The following PDE4B variants were observed in gnomAD, a reference collection of about 807,000 sequenced individuals.
PDE4B encodes phosphodiesterase 4B, also known as 3',5'-cyclic-AMP phosphodiesterase 4B.
A neutral mutation model predicts 82.2 loss-of-function variants in PDE4B; 20 were observed. The observed-to-expected ratio is 0.24, with a 90% CI of 0.17 to 0.35. The LOEUF (loss-of-function observed/expected upper bound fraction) is 0.35. Among genes scored for constraint, PDE4B ranks in the 10% least tolerant of loss-of-function variants. The pLI is 1.00. For missense variants in PDE4B, 655 were observed against 907.2 expected, an observed-to-expected ratio of 0.72 and a Z score of 3.57; for synonymous variants, 320 against 318.9, an observed-to-expected ratio of 1.00 and a Z score of -0.04.
intron 3 of PDE4B, among the ~76,000 whole-genome samples, chr1:66,068,660 C>G (rs1655994792): frequency 2.0e-5 from 3 of 151,996 alleles, no homozygotes; most frequent in Admixed American, 6.6e-5. Context: ...AAATTCTTCT[C>G]ATTTAAATAT....
At chr1:66,104,720 G>A (rs1645305048) in intron 3 of PDE4B, among the ~76,000 whole-genome samples, 1 of 148,496 alleles carries the variant, frequency 6.7e-6, no homozygotes, top group South Asian at 2.2e-4. Context: ...TGTGTTTTTT[G>A]GCTGCATAAA....
Position 65,905,933 on chromosome 1 carries a change from C to T in PDE4B, c.-70-7312C>T, listed in dbSNP as rs189205995. ...TGTATATTCGTCTTTGTATTATCCA[C>T]GGCATCTAGCAAGTCCCTACCACAT... On this transcript the variant is annotated intron_variant, in intron 1 of 16. Coordinates refer to ENST00000341517, the MANE Select transcript of PDE4B (RefSeq NM_002600.4). 2.8e-3 allele frequency among the ~76,000 whole-genome samples: 433 copies of T among 152,194 alleles called. 2 individuals carry two copies. Among genetic ancestry groups the T allele is most frequent in the African/African-American group, 9.8e-3 (405 of 41,536 alleles).
At chr1:66,067,231 A>G (rs989377718) in intron 3 of PDE4B, among the ~76,000 whole-genome samples, 2 of 152,012 alleles carry the variant, frequency 1.3e-5, no homozygotes, top group African/African-American at 4.8e-5. Flanking sequence ...GTCAAATGGT[A>G]TTTCTAGTTC....
chr1:65,803,359 A>T (rs1645718261), intron 1 of PDE4B, among the ~76,000 whole-genome samples: 1 of 152,222 alleles, frequency 6.6e-6, no homozygotes, highest in African/African-American at 2.4e-5. Context: ...GGTGTTATAT[A>T]AATTCTATAA....
At chr1:66,336,662 G>A (rs1660541212) in intron 8 of PDE4B, among the ~76,000 whole-genome samples, 1 of 151,460 alleles carries the variant, frequency 6.6e-6, no homozygotes, top group South Asian at 2.1e-4. Flanking sequence ...TTTTTTTTTA[G>A]AATGAAGCAT....
At chr1:66,049,110 A>G (rs1654877577) in intron 3 of PDE4B, among the ~76,000 whole-genome samples, 1 of 152,016 alleles carries the variant, frequency 6.6e-6, no homozygotes, top group African/African-American at 2.4e-5. Flanking sequence ...GAGTGGAAAT[A>G]TCGTAAGTGT....
chr1:66,197,688 A>G (rs1318486797), intron 3 of PDE4B, among the ~76,000 whole-genome samples: 5 of 152,146 alleles, frequency 3.3e-5, no homozygotes, highest in Non-Finnish European at 5.9e-5. Context: ...ATTCTGTGCA[A>G]ATTCATTTCT....
intron 3 of PDE4B, among the ~76,000 whole-genome samples, chr1:66,239,976 A>G (rs1408104385): frequency 1.3e-5 from 2 of 152,376 alleles, no homozygotes; most frequent in African/African-American, 4.8e-5. Context: ...CACCACATCA[A>G]TACCAAAGAA....
intron 3 of PDE4B, among the ~76,000 whole-genome samples, chr1:66,010,196 A>G (rs1652405206): frequency 6.6e-6 from 1 of 152,080 alleles, no homozygotes; most frequent in African/African-American, 2.4e-5. Context: ...CCCATGTTGA[A>G]TGGGAGAGGG....
At chr1:66,241,796 C>T (rs577512222) in intron 3 of PDE4B, among the ~76,000 whole-genome samples, 10 of 152,278 alleles carry the variant, frequency 6.6e-5, no homozygotes, top group South Asian at 6.2e-4. Flanking sequence ...ACTCCTAGGA[C>T]GGAGTTCCTG....
chr1:66,162,535 C>T (rs764373424), intron 3 of PDE4B, among the ~76,000 whole-genome samples: 1 of 151,860 alleles, frequency 6.6e-6, no homozygotes. Flanking sequence ...AGCTTGATGC[C>T]CAGCCTATGC....
chr1:66,104,841 C>T (rs1299238725), intron 3 of PDE4B, among the ~76,000 whole-genome samples: 3 of 146,304 alleles, frequency 2.1e-5, no homozygotes, highest in African/African-American at 5.0e-5. Context: ...GGATATTAGC[C>T]CTTTGTCAGA....
intron 3 of PDE4B, among the ~76,000 whole-genome samples, chr1:66,116,311 G>T (rs1353603662): frequency 2.0e-5 from 3 of 152,088 alleles, no homozygotes; most frequent in Admixed American, 2.0e-4. Flanking sequence ...CCATTAAAAA[G>T]CTGGTTTGGA....
At chr1:65,942,209 G>A (rs767649180) in intron 3 of PDE4B, among the ~76,000 whole-genome samples, 2 of 151,518 alleles carry the variant, frequency 1.3e-5, no homozygotes, top group African/African-American at 2.4e-5. Flanking sequence ...TCCCTGCTAA[G>A]CATAATTCTA....
intron 7 of PDE4B, among the ~76,000 whole-genome samples, chr1:66,300,095 T>C (rs6683604): frequency 0.42 from 63,701 of 152,050 alleles, 15,704 homozygotes; most frequent in Non-Finnish European, 0.56. Context: ...GTTTTTACCT[T>C]CTTCAGCCAT....
chr1:66,293,624 C>T (rs1657272679), intron 7 of PDE4B, among the ~76,000 whole-genome samples: 1 of 152,140 alleles, frequency 6.6e-6, no homozygotes, highest in South Asian at 2.1e-4. Flanking sequence ...CCATATTCAG[C>T]AAGTGATTCC....
chr1:65,811,807 T>C (rs1052801772), intron 1 of PDE4B, among the ~76,000 whole-genome samples: 6 of 152,196 alleles, frequency 3.9e-5, no homozygotes, highest in African/African-American at 1.4e-4. Context: ...TGACATAATT[T>C]ACATATACTT....
intron 1 of PDE4B, among the ~76,000 whole-genome samples, chr1:65,838,548 T>C (rs939709429): frequency 6.8e-6 from 1 of 147,882 alleles, no homozygotes; most frequent in Non-Finnish European, 1.5e-5. Context: ...TGTGTATATA[T>C]GTATATATAT....
chr1:66,091,289 T>G (rs1645018540), intron 3 of PDE4B, among the ~76,000 whole-genome samples: 2 of 152,048 alleles, frequency 1.3e-5, no homozygotes, highest in African/African-American at 4.8e-5. Flanking sequence ...GCAACCAAGT[T>G]TCCTGTGGTT....
Sources: gnomAD v4.1 joint callset for allele counts (sites outside exome capture counted in the v4.1 genomes callset) on GRCh38, gnomAD v4.1.1 for gene constraint, MANE v1.5 for transcripts, NCBI Gene and HGNC (gene_info 2026-07-23, HGNC 2026-07-21) for gene names.